The following MAP2 variants were observed in gnomAD, a reference collection of about 807,000 sequenced individuals.
The protein encoded by MAP2 is microtubule-associated protein 2.
A neutral mutation model predicts 137.6 loss-of-function variants in MAP2; 14 were observed. That is an observed-to-expected ratio of 0.10 (90% CI 0.07 to 0.16). The LOEUF (loss-of-function observed/expected upper bound fraction) is 0.16. MAP2 is among the 10% of genes least tolerant of loss of function. The pLI is 1.00. For synonymous variants in MAP2, 786 were observed against 782.3 expected (o/e 1.00, Z -0.08); for missense variants, 2,088 against 2,191.5 (o/e 0.95, Z 0.94).
chr2:209,477,312 T>A (rs1189854997), intron 1 of MAP2, among the ~76,000 whole-genome samples: 1 of 151,262 alleles, frequency 6.6e-6, no homozygotes, highest in Non-Finnish European at 1.5e-5. Flanking sequence ...TTAAACTATT[T>A]CAAAAGAAAA....
chr2:209,482,086 C>G (rs1708918306), intron 1 of MAP2, among the ~76,000 whole-genome samples: 2 of 151,956 alleles, frequency 1.3e-5, no homozygotes, highest in South Asian at 4.2e-4. Flanking sequence ...ATGATTAGAC[C>G]AAAATCTCAA....
intron 2 of MAP2, among the ~76,000 whole-genome samples, chr2:209,555,031 C>T (rs2070223352): frequency 6.6e-6 from 1 of 150,826 alleles, no homozygotes; most frequent in South Asian, 2.1e-4. Context: ...GGGGAGGCAT[C>T]GAATGGGCAA....
At chr2:209,572,821 A>G (rs1020252116) in intron 2 of MAP2, among the ~76,000 whole-genome samples, 2 of 152,196 alleles carry the variant, frequency 1.3e-5, no homozygotes, top group Non-Finnish European at 2.9e-5. Flanking sequence ...ATAGTTTTCT[A>G]TGAAAAACAA....
chr2:209,500,078 A>G (rs2150103778), intron 1 of MAP2, among the ~76,000 whole-genome samples: 1 of 152,246 alleles, frequency 6.6e-6, no homozygotes, highest in East Asian at 1.9e-4. Flanking sequence ...TGTCTTCATT[A>G]CCATTCACCT....
At chr2:209,502,999 CT>C (rs71043931) in intron 1 of MAP2, among the ~76,000 whole-genome samples, 7,311 of 131,052 alleles carry the variant, frequency 0.056, 160 homozygotes, top group South Asian at 0.093. Flanking sequence ...GATTTTTTTT[CT>C]TTTTTTTTTT....
At chr2:209,506,866 G>T (rs1025992138) in intron 1 of MAP2, among the ~76,000 whole-genome samples, 6 of 152,190 alleles carry the variant, frequency 3.9e-5, no homozygotes, top group Admixed American at 3.3e-4. Flanking sequence ...GTGTCAGTCT[G>T]TGCAGACTGT....
At chr2:209,468,462 A>G (rs1183426155) in intron 1 of MAP2, among the ~76,000 whole-genome samples, 1 of 150,918 alleles carries the variant, frequency 6.6e-6, no homozygotes, top group African/African-American at 2.4e-5. Flanking sequence ...CTGGGACTAC[A>G]GGCGCCCACC....
intron 3 of MAP2, among the ~76,000 whole-genome samples, chr2:209,602,472 G>A (rs1460676874): frequency 6.6e-6 from 1 of 152,170 alleles, no homozygotes; most frequent in Non-Finnish European, 1.5e-5. Flanking sequence ...TTAGCTGTCA[G>A]AAGGATTGAG....
chr2:209,528,772 A>C (rs71420760), intron 2 of MAP2, among the ~76,000 whole-genome samples: 5,655 of 148,052 alleles, frequency 0.038, 228 homozygotes, highest in South Asian at 0.22. Context: ...ATATATGTAT[A>C]TGTACATATG....
At chr2:209,441,555 G>A (rs193084507) in intron 1 of MAP2, among the ~76,000 whole-genome samples, 47 of 151,596 alleles carry the variant, frequency 3.1e-4, no homozygotes, top group Admixed American at 1.3e-3. Context: ...GCTGTTTTTG[G>A]ACCTAGAATT....
In MAP2 at chr2:209,680,633, G is replaced by T; in HGVS notation, c.377-117G>T. On this transcript the variant is annotated intron_variant, in intron 6 of 15. Coordinates refer to ENST00000682079, the MANE Select transcript of MAP2 (RefSeq NM_001375505.1). ...AATAAACCAAATGCGGCTTACTATTGAATCTTTTTCTGAATTTTATAGAGA... is the reference window on the plus strand; with the variant it reads ...AATAAACCAAATGCGGCTTACTATTTAATCTTTTTCTGAATTTTATAGAGA... The T allele has an allele frequency of 3.5e-6, 3 of 868,988 alleles. No homozygotes were observed. The South Asian group carries it at 4.7e-5, about 14-fold the overall frequency. The allele number at this position is 868,988 out of a possible 1,614,324, so 53.8% of individuals were successfully genotyped here.
rs145739041 is a variant in MAP2, at chr2:209,470,695, C to T, written c.-221-36897C>T. On this transcript the variant is annotated intron_variant, in intron 1 of 15. Coordinates refer to ENST00000682079, the MANE Select transcript of MAP2 (RefSeq NM_001375505.1). ...CATCATAGCTCCCATGCACCATGTA[C>T]TTTCAATTCTGAGGTCAGCTAGGGG... 2.9e-3 allele frequency among the ~76,000 whole-genome samples: 442 copies of T among 152,174 alleles called. 3 individuals are homozygous for T. The Middle Eastern group carries it at 0.034, about 12-fold the overall frequency.
chr2:209,602,286 A>G (rs1294970183), intron 3 of MAP2, among the ~76,000 whole-genome samples: 1 of 152,232 alleles, frequency 6.6e-6, no homozygotes, highest in East Asian at 1.9e-4. Context: ...GGCTTAAAAG[A>G]CAAATGTAAA....
intron 4 of MAP2, 62 bp from the exon 5 acceptor site, chr2:209,653,080 T>C: frequency 1.5e-6 from 2 of 1,352,924 alleles, no homozygotes; most frequent in Admixed American, 3.0e-5. Context: ...CCTATCTTGG[T>C]ACAACCAATA....
chr2:209,506,032 G>A lies in MAP2; in HGVS notation c.-221-1560G>A, dbSNP rs116842171. On this transcript the variant is annotated intron_variant, in intron 1 of 15. Coordinates refer to ENST00000682079, the MANE Select transcript of MAP2 (RefSeq NM_001375505.1). Reference sequence around the variant, plus strand: ...ACCATTCCCCTGAGAGTTTACAGTGGTGCCCTGGACCACCATGACAGTTAG... The same window carrying A: ...ACCATTCCCCTGAGAGTTTACAGTGATGCCCTGGACCACCATGACAGTTAG... Among the ~76,000 whole-genome samples the A allele has an allele frequency of 8.1e-4, 123 of 152,078 alleles. 2 individuals carry two copies. The East Asian group carries it at 0.02, about 24-fold the overall frequency.
chr2:209,693,473 C>T lies in MAP2; in HGVS notation c.1303C>T (p.Leu435Phe). The change falls in exon 8 of 16, where the codon CTT becomes TTT. Residue 435 changes from leucine (L) to phenylalanine (F), a missense_variant. By Grantham distance (22) the Leu-to-Phe change is conservative (BLOSUM62 0). Around this residue, in one of 6 missense-constraint regions of MAP2, gnomAD observed 859 missense variants for 794.5 expected, o/e 1.08. Coordinates refer to ENST00000682079, the MANE Select transcript of MAP2 (RefSeq NM_001375505.1). The stretch of plus-strand genomic sequence containing the variant: ...CACCCCCAGTGGACAGGAACCTATA[C>T]TTACTGAAAAGGAAACTGAGCTGAA... Reference protein sequence around the residue: ...TFTPSGQEPILTEKETELKLE... With the variant: ...TFTPSGQEPIFTEKETELKLE... 6.2e-7 allele frequency: 1 copy of T among 1,613,782 alleles called. No homozygotes were observed. Among genetic ancestry groups the T allele is most frequent in the Non-Finnish European group, 8.5e-7 (1 of 1,179,964 alleles).
rs368606949 is a variant in MAP2, at chr2:209,678,565, A to C, written c.263-7A>C. The C allele has an allele frequency of 1.4e-6, 2 of 1,451,516 alleles. No homozygotes were observed. Among genetic ancestry groups the C allele is most frequent in the African/African-American group, 2.9e-5 (2 of 69,488 alleles). 89.9% of individuals were successfully genotyped at this position (1,451,516 alleles called of 1,614,324 possible). ...GTTATATTTTATTTTGTTACTGTTT[A>C]TTACAGAGGAGGTGTCTGCAAGGAT... On this transcript the variant is annotated splice_region_variant and splice_polypyrimidine_tract_variant and intron_variant, in intron 5 of 15. Transcript: ENST00000682079.
chr2:209,627,938 T>C (rs1160810204), intron 4 of MAP2, among the ~76,000 whole-genome samples: 2 of 152,190 alleles, frequency 1.3e-5, no homozygotes. Context: ...GTTTTGCAAA[T>C]GACAAAATCT....
At chr2:209,463,712 A>G (rs961978022) in intron 1 of MAP2, among the ~76,000 whole-genome samples, 1 of 152,226 alleles carries the variant, frequency 6.6e-6, no homozygotes, top group African/African-American at 2.4e-5. Context: ...AACCTGAGTT[A>G]TAACATTTTA....
Sources: allele counts gnomAD v4.1 joint callset (sites outside exome capture counted in the v4.1 genomes callset), GRCh38; gene constraint gnomAD v4.1.1; regional missense constraint gnomAD v4.1.1; transcripts MANE v1.5; gene names NCBI Gene and HGNC (gene_info 2026-07-23, HGNC 2026-07-21).